The following MUC4 variants were observed in gnomAD, a reference collection of about 807,000 sequenced individuals.
MUC4 encodes mucin 4, cell surface associated, also known as mucin-4.
In MUC4, 202 loss-of-function variants were observed where a neutral mutation model predicts 257.9. The observed-to-expected ratio is 0.78, with a 90% CI of 0.70 to 0.88. The LOEUF (loss-of-function observed/expected upper bound fraction) is 0.88. Ranked by LOEUF, MUC4 falls within the 40% of genes least tolerant of loss-of-function variation. The pLI, the probability that MUC4 is intolerant of heterozygous loss-of-function variation, is 0.00. For missense variants in MUC4, 5,976 were observed against 6,513.7 expected (o/e 0.92, Z 2.84); for synonymous variants, 2,351 against 2,757.1 (o/e 0.85, Z 4.62).
At chr3:195,799,796 C>T (rs2688522) in intron 1 of MUC4, among the ~76,000 whole-genome samples, 129,709 of 152,234 alleles carry the variant, frequency 0.85, 55,840 homozygotes, top group African/African-American at 0.97. Flanking sequence ...TGGTTTATGC[C>T]GTTATAAAAT....
At position 195,766,687 on chromosome 3, in the gene MUC4, C is replaced by T. The variant is rs866483627; in HGVS notation, c.13594G>A (p.Asp4532Asn). Residue 4532 changes from aspartate to asparagine, a missense_variant, in exon 8 of 25, where the codon GAT (aspartate) becomes AAT (asparagine). Physicochemically the swap from Asp to Asn is conservative, Grantham distance 23. Around this residue, in one of 44 missense-constraint regions of MUC4, gnomAD observed 996 missense variants for 1,137.3 expected, o/e 0.88. Transcript: ENST00000463781. ...CCTGAGTTGGAATTCAGGAATCTAT[C>T]AGGGCGATACCTCTCCCACACTGGC... ...SQPVWERYRP[D>N]RFLNSNSGLQ... is the part of the protein sequence containing the mutation. 6.2e-7 allele frequency: 1 copy of T among 1,614,154 alleles called. No individual in the cohort carries two copies. The highest frequency in any genetic ancestry group is 8.5e-7 in the Non-Finnish European group (1 of 1,180,016).
intron 24 of MUC4, among the ~76,000 whole-genome samples, chr3:195,748,173 C>T (rs1715514463): frequency 6.6e-6 from 1 of 152,286 alleles, no homozygotes; most frequent in African/African-American, 2.4e-5. Flanking sequence ...AAAGGCGCCT[C>T]GCTTGACTGA....
At chr3:195,751,461 TTAA>T in intron 21 of MUC4, 190 bp from the exon 22 acceptor site, 2 of 612,900 alleles carry the variant, frequency 3.3e-6, no homozygotes, top group Non-Finnish European at 5.9e-6. Flanking sequence ...GGGTCCTTGC[TTAA>T]TAATGTTTGT....
At position 195,788,075 on chromosome 3, in the gene MUC4, G is replaced by A. The variant is rs1390850435; in HGVS notation, c.3505C>T (p.Leu1169Phe). The change falls in exon 2 of 25, where the codon CTT becomes TTT. Residue 1169 changes from leucine (L) to phenylalanine (F), a missense_variant. Transcript: ENST00000463781. ...SSASTGQATP[L>F]PVTSLSSVST... ...ACTGAGGAAAGGCTGGTGACAGGAA[G>A]AGGGGTGGCCTGACCTGTGGATGCT... 6.7e-7 allele frequency: 1 copy of A among 1,494,388 alleles called. No individual in the cohort carries two copies. Among genetic ancestry groups the A allele is most frequent in the Admixed American group, 2.2e-5 (1 of 46,368 alleles). The allele number at this position is 1,494,388 out of a possible 1,614,324, so 92.6% of individuals were successfully genotyped here. A position where few individuals can be genotyped will look rare whatever the true frequency, so the allele number is the denominator to read the frequency against.
chr3:195,767,573 T>C (rs1466958625), intron 7 of MUC4, among the ~76,000 whole-genome samples: 25 of 61,940 alleles, frequency 4.0e-4, no homozygotes, highest in African/African-American at 1.2e-3. Context: ...GCCACCACCA[T>C]CACCACCACC....
intron 4 of MUC4, among the ~76,000 whole-genome samples, chr3:195,772,646 C>A (rs552345690): frequency 6.4e-5 from 9 of 139,588 alleles, no homozygotes; most frequent in African/African-American, 2.5e-4. Flanking sequence ...GGAAACCTCT[C>A]TCTATCACTC....
At position 195,767,898 on chromosome 3, in the gene MUC4, T is replaced by C. The variant is rs1365632757; in HGVS notation, c.13529+1124A>G. On this transcript the variant is annotated intron_variant, in intron 7 of 24. Transcript: ENST00000463781. ...ACCATCACCACCATCACCACCACCA[T>C]CACCACCATCACCATCGCCACTGCC... is the stretch of plus-strand genomic sequence containing the variant. Among the ~76,000 whole-genome samples, 199 of 74,790 alleles carry C rather than the reference T, an allele frequency of 2.7e-3. 2 individuals carry two copies. Among genetic ancestry groups the C allele is most frequent in the African/African-American group, 0.018 (160 of 9,106 alleles). 49.1% of individuals were successfully genotyped at this position (74,790 alleles called of 152,430 possible).
rs775515691 is a variant in MUC4 at position 195,770,211 on chromosome 3, C to T, written c.13398+5G>A. 1 of 1,597,560 alleles carries T rather than the reference C, an allele frequency of 6.3e-7. No homozygotes were observed. The highest frequency in any genetic ancestry group is 8.5e-7 in the Non-Finnish European group (1 of 1,173,146). Reference sequence around the variant, plus strand: ...CTCCTGGGAGCTGCCCAGGGGTCTACTCACCCCGAGGGTCCACTGGGCAGG... The same window carrying T: ...CTCCTGGGAGCTGCCCAGGGGTCTATTCACCCCGAGGGTCCACTGGGCAGG... On this transcript the variant is annotated splice_donor_5th_base_variant and intron_variant, in intron 6 of 24. Transcript: ENST00000463781.
chr3:195,783,626 C>A lies in MUC4; in HGVS notation c.7954G>T (p.Gly2652Cys). Residue 2652 changes from glycine (G) to cysteine (C), a missense_variant, in exon 2 of 25, where the codon GGT becomes TGT. Physicochemically the swap from Gly to Cys is radical, Grantham distance 159 (BLOSUM62 -3). Transcript: ENST00000463781. ...GTGACAGGAAGAGGGGTGGCCTGAC[C>A]TGTGGATGCTGAGGAAGCGTCGGTG... ...LVTDASSAST[G>C]QATPLPVTSL... 3 of 370,506 alleles carry A rather than the reference C, an allele frequency of 8.1e-6. No homozygotes were observed. Among genetic ancestry groups the A allele is most frequent in the South Asian group, 2.5e-5 (1 of 39,388 alleles). The allele number at this position is 370,506 out of a possible 1,614,324, so 23.0% of individuals were successfully genotyped here.
At position 195,769,076 on chromosome 3, in the gene MUC4, A is replaced by G; in HGVS notation, c.13475T>C (p.Met4492Thr). The change falls in exon 7 of 25, where the codon ATG (methionine) becomes ACG (threonine). Residue 4492 changes from methionine to threonine, a missense_variant. Around this residue, in one of 44 missense-constraint regions of MUC4, gnomAD observed 996 missense variants for 1,137.3 expected, o/e 0.88. Coordinates refer to ENST00000463781, the MANE Select transcript of MUC4 (RefSeq NM_018406.7). ...YALFLYQSGGMQWDVAQRSGN... is the reference protein window; with the variant it reads ...YALFLYQSGGTQWDVAQRSGN... ...TGAGCGCTGGGCCACGTCCCACTGC[A>G]TCCCACCGCTCTGGTAGAGAAACAG... The G allele has an allele frequency of 6.2e-7, 1 of 1,614,118 alleles. No homozygotes were observed. Among genetic ancestry groups the G allele is most frequent in the Non-Finnish European group, 8.5e-7 (1 of 1,180,008 alleles).
At chr3:195,750,814 G>A (rs1291786751) in intron 23 of MUC4, 75 bp downstream of exon 23, 13 of 1,345,778 alleles carry the variant, frequency 9.7e-6, no homozygotes, top group Non-Finnish European at 1.3e-5. Flanking sequence ...TAGCTTGTTT[G>A]TGTGGGCTGA....
chr3:195,781,257 A>T lies in MUC4; in HGVS notation c.10323T>A (p.Val3441=). ...ATGCTGAGGAAGTGCTGGTGACAGGAACAGGGGTGGCGTGACCGGTGGATG... is the reference window on the plus strand; with the variant it reads ...ATGCTGAGGAAGTGCTGGTGACAGGTACAGGGGTGGCGTGACCGGTGGATG... ...SSASTGHATP[V]PVTSTSSAST... The change falls in exon 2 of 25, where the codon GTT becomes GTA. Residue 3441 remains valine, a synonymous_variant. Transcript: ENST00000463781. 1 of 1,491,784 alleles carries T rather than the reference A, an allele frequency of 6.7e-7. No individual in the cohort carries two copies. The highest frequency in any genetic ancestry group is 9.0e-7 in the Non-Finnish European group (1 of 1,112,070). 92.4% of individuals were successfully genotyped at this position (1,491,784 alleles called of 1,614,324 possible). A position where few individuals can be genotyped will look rare whatever the true frequency, so the allele number is the denominator to read the frequency against.
intron 3 of MUC4, among the ~76,000 whole-genome samples, chr3:195,775,811 ACGGC>A: frequency 2.3e-5 from 1 of 43,070 alleles, no homozygotes; most frequent in Admixed American, 2.2e-4. Context: ...CATACCTTCC[ACGGC>A]CATACCTTCC....
At chr3:195,774,107 C>A in intron 4 of MUC4, 65 bp downstream of exon 4, 2 of 1,502,426 alleles carry the variant, frequency 1.3e-6, no homozygotes, top group East Asian at 2.6e-5. Flanking sequence ...TGGGTTCCGT[C>A]TCGAAGCAGG....
intron 1 of MUC4, among the ~76,000 whole-genome samples, chr3:195,803,036 C>G (rs999144321): frequency 1.3e-5 from 2 of 152,140 alleles, no homozygotes; most frequent in African/African-American, 4.8e-5. Context: ...CACTCCCTCC[C>G]TTTTCTTACT....
Position 195,757,686 on chromosome 3 carries a change from C to T in MUC4, c.14987-358G>A, listed in dbSNP as rs113538844. 2.6e-5 allele frequency among the ~76,000 whole-genome samples: 4 copies of T among 152,156 alleles called. No individual in the cohort carries two copies. The highest frequency in any genetic ancestry group is 9.7e-5 in the African/African-American group (4 of 41,432). On this transcript the variant is annotated intron_variant, in intron 17 of 24. Transcript: ENST00000463781. This position sits in a 1 kb window ranked among gnomAD's most constrained non-coding sequence, Gnocchi z 4.8. The stretch of plus-strand genomic sequence containing the variant: ...ATCCTCCAGACACCTCCCCAGGCTG[C>T]GCTGCCGGCCAAACTGGCTTCACTC...
At chr3:195,767,556 T>TCATCACC (rs1560261676) in intron 7 of MUC4, among the ~76,000 whole-genome samples, 40 of 22,342 alleles carry the variant, frequency 1.8e-3, no homozygotes, top group East Asian at 3.7e-3. Context: ...CCATCACCAT[T>TCATCACC]ACCATTGCCA....
Position 195,789,795 on chromosome 3 carries a change from G to A in MUC4, c.1785C>T (p.Ser595=). The A allele has an allele frequency of 6.2e-7, 1 of 1,613,950 alleles. No homozygotes were observed. Among genetic ancestry groups the A allele is most frequent in the Non-Finnish European group, 8.5e-7 (1 of 1,179,848 alleles). ...SVTQMIKTAT[S]PSSSPMLDRH... ...TATCCAGCATAGGTGAAGAAGATGG[G>A]GATGTGGCCGTTTTTATCATCTGAG... The change falls in exon 2 of 25, where the codon TCC becomes TCT. Residue 595 remains serine, a synonymous_variant. Coordinates refer to ENST00000463781, the MANE Select transcript of MUC4 (RefSeq NM_018406.7).
intron 17 of MUC4, among the ~76,000 whole-genome samples, chr3:195,758,492 G>A (rs1718099876): frequency 6.6e-6 from 1 of 151,518 alleles, no homozygotes; most frequent in South Asian, 2.1e-4. Flanking sequence ...TGTTGCACTT[G>A]ATTATTCTAA....
Sources: gnomAD v4.1 joint callset for allele counts (sites outside exome capture counted in the v4.1 genomes callset) on GRCh38, gnomAD v4.1.1 for gene constraint, gnomAD v4.1.1 regional missense constraint, Gnocchi (gnomAD v3.1) non-coding constraint, MANE v1.5 for transcripts, NCBI Gene and HGNC (gene_info 2026-07-23, HGNC 2026-07-21) for gene names.